The following CADM2 variants were observed in gnomAD, a reference collection of about 807,000 sequenced individuals.
The protein encoded by CADM2 is immunoglobulin superfamily member 4D.
Under a neutral mutation model 49.8 loss-of-function variants are expected in CADM2, and 12 were observed. That is an observed-to-expected ratio of 0.24 (90% CI 0.15 to 0.39). The LOEUF is 0.39. Ranked by LOEUF, CADM2 falls within the 10% of genes least tolerant of loss-of-function variation. CADM2 has a pLI of 1.00. For synonymous variants in CADM2, 214 were observed against 175.4 expected (o/e 1.22, Z -1.74); for missense variants, 378 against 492.3 (o/e 0.77, Z 2.20).
At chr3:85,788,511 A>G (rs1403066571) in intron 2 of CADM2, among the ~76,000 whole-genome samples, 2 of 152,124 alleles carry the variant, frequency 1.3e-5, no homozygotes, top group African/African-American at 4.8e-5. Flanking sequence ...ACAGAAAAAG[A>G]ATATTAATGT....
intron 3 of CADM2, among the ~76,000 whole-genome samples, chr3:85,819,707 T>G (rs58382609): frequency 0.35 from 53,621 of 151,908 alleles, 9,957 homozygotes; most frequent in East Asian, 0.57. Context: ...CATTACAGTT[T>G]GATGTTATAT....
At chr3:85,379,564 C>T (rs561435993) in intron 1 of CADM2, among the ~76,000 whole-genome samples, 68 of 151,916 alleles carry the variant, frequency 4.5e-4, no homozygotes, top group Middle Eastern at 3.4e-3. Context: ...TGCAATTTTC[C>T]TCTTGCTTTA....
chr3:85,424,486 A>G (rs1192924372), intron 1 of CADM2, among the ~76,000 whole-genome samples: 1 of 152,136 alleles, frequency 6.6e-6, no homozygotes, highest in Non-Finnish European at 1.5e-5. Flanking sequence ...GTATTAGGAC[A>G]GAGCTGAAAT....
At chr3:85,705,615 G>A (rs189573118) in intron 1 of CADM2, among the ~76,000 whole-genome samples, 6 of 152,160 alleles carry the variant, frequency 3.9e-5, no homozygotes. Flanking sequence ...ACAGGATTTG[G>A]CTCCTAATTA....
At chr3:84,960,015 A>T in intron 1 of CADM2, 1 of 357,274 alleles carries the variant, frequency 2.8e-6, no homozygotes, top group Non-Finnish European at 5.1e-6. Context: ...CCTCCCGACA[A>T]CCCCCACCAG....
At chr3:85,168,709 A>C (rs1418188332) in intron 1 of CADM2, among the ~76,000 whole-genome samples, 1 of 152,130 alleles carries the variant, frequency 6.6e-6, no homozygotes, top group African/African-American at 2.4e-5. Context: ...TCTAATATTG[A>C]TTCTGAAATA....
At chr3:85,212,815 T>C (rs549580860) in intron 1 of CADM2, among the ~76,000 whole-genome samples, 16 of 43,996 alleles carry the variant, frequency 3.6e-4, no homozygotes, top group Non-Finnish European at 6.4e-4. Context: ...TTTTCTTCTC[T>C]TTCTTTCTTT....
chr3:85,693,723 CAAAAAAA>C (rs397807084), intron 1 of CADM2, among the ~76,000 whole-genome samples: 17 of 66,556 alleles, frequency 2.6e-4, no homozygotes, highest in East Asian at 2.5e-3. Context: ...ACGTATCTAC[CAAAAAAA>C]AAAAAAAAAA....
At chr3:85,724,035 A>T (rs1362100762) in intron 1 of CADM2, among the ~76,000 whole-genome samples, 3 of 151,950 alleles carry the variant, frequency 2.0e-5, no homozygotes, top group Non-Finnish European at 4.4e-5. Flanking sequence ...AACAATACAC[A>T]CAAAAAATAA....
At chr3:85,029,284 G>A (rs1382890379) in intron 1 of CADM2, among the ~76,000 whole-genome samples, 1 of 152,058 alleles carries the variant, frequency 6.6e-6, no homozygotes, top group Non-Finnish European at 1.5e-5. Context: ...GAGTATCATG[G>A]ACATTTATGA....
At chr3:86,065,207 T>G (rs1739167009) in intron 8 of CADM2, among the ~76,000 whole-genome samples, 1 of 152,228 alleles carries the variant, frequency 6.6e-6, no homozygotes, top group Non-Finnish European at 1.5e-5. Context: ...ATTATCATTT[T>G]CATCCCCAGG....
chr3:85,695,980 T>C (rs1274759113), intron 1 of CADM2, among the ~76,000 whole-genome samples: 1 of 152,152 alleles, frequency 6.6e-6, no homozygotes, highest in East Asian at 1.9e-4. Flanking sequence ...ATTGTGTTTA[T>C]ATTAAGTGTG....
chr3:85,629,299 A>T (rs7616749), intron 1 of CADM2, among the ~76,000 whole-genome samples: 12,729 of 151,946 alleles, frequency 0.084, 1,549 homozygotes, highest in African/African-American at 0.27. Flanking sequence ...AATTTTGTCA[A>T]CAAAATGGAG....
At chr3:84,975,861 T>A (rs935404112) in intron 1 of CADM2, among the ~76,000 whole-genome samples, 1 of 151,880 alleles carries the variant, frequency 6.6e-6, no homozygotes, top group Non-Finnish European at 1.5e-5. Context: ...AATGCACTGC[T>A]AGACCTCTGT....
chr3:84,962,284 A>G (rs577807675), intron 1 of CADM2, among the ~76,000 whole-genome samples: 37 of 152,020 alleles, frequency 2.4e-4, no homozygotes, highest in South Asian at 1.2e-3. Flanking sequence ...AAAAAAAAAA[A>G]AAAGAAAGAA....
intron 1 of CADM2, among the ~76,000 whole-genome samples, chr3:85,605,270 G>C (rs2063513510): frequency 6.6e-6 from 1 of 151,990 alleles, no homozygotes; most frequent in Non-Finnish European, 1.5e-5. Context: ...ACTCAGAAAG[G>C]CAAATTCCTG....
intron 2 of CADM2, among the ~76,000 whole-genome samples, chr3:85,753,567 T>C (rs2068964176): frequency 1.3e-5 from 2 of 152,152 alleles, no homozygotes; most frequent in Admixed American, 1.3e-4. Flanking sequence ...TGGCATCACA[T>C]AAGAAGTCGG....
At chr3:85,781,217 A>G (rs1005638378) in intron 2 of CADM2, among the ~76,000 whole-genome samples, 15 of 152,188 alleles carry the variant, frequency 9.9e-5, no homozygotes, top group South Asian at 2.1e-4. Context: ...AACCAAGGTC[A>G]TGCTCAATGG....
chr3:85,534,777 T>A (rs57756567), intron 1 of CADM2, among the ~76,000 whole-genome samples: 77,957 of 152,094 alleles, frequency 0.51, 23,069 homozygotes, highest in East Asian at 0.85. Context: ...ATGTTTTGCA[T>A]AAATTTGTTT....
Sources: allele counts gnomAD v4.1 joint callset (sites outside exome capture counted in the v4.1 genomes callset), GRCh38; gene constraint gnomAD v4.1.1; transcripts MANE v1.5; gene names NCBI Gene and HGNC (gene_info 2026-07-23, HGNC 2026-07-21).